The following SLC16A3 variants were observed in gnomAD, a reference collection of about 807,000 sequenced individuals.
SLC16A3 encodes solute carrier family 16 member 3, also known as monocarboxylate transporter 4.
In SLC16A3, 22 loss-of-function variants were observed where a neutral mutation model predicts 25.0. The observed-to-expected ratio is 0.88, with a 90% CI of 0.63 to 1.26. The LOEUF is 1.26. SLC16A3 is among the 50% of genes most tolerant of loss of function. The pLI, the probability that SLC16A3 is intolerant of heterozygous loss-of-function variation, is 0.00. For missense variants in SLC16A3, 731 were observed against 666.6 expected, an observed-to-expected ratio of 1.10 and a Z score of -1.06; for synonymous variants, 390 against 309.2, an observed-to-expected ratio of 1.26 and a Z score of -2.74.
At chr17:82,223,192 TA>T (rs1295931499) in intron 1 of SLC16A3, among the ~76,000 whole-genome samples, 2 of 149,880 alleles carry the variant, frequency 1.3e-5, no homozygotes, top group African/African-American at 2.5e-5. Flanking sequence ...TTATTATTAT[TA>T]TTTCTGAGAC....
rs2050651745 is a variant in SLC16A3 at position 82,237,887 on chromosome 17, T to TCCTC, written c.1118_1119insCTCC (p.Gly374SerfsTer39). On this transcript the variant is annotated frameshift_variant, in exon 4 of 5. Transcript: ENST00000582743. LOFTEE classifies it low-confidence loss of function (END_TRUNC). The stretch of plus-strand genomic sequence containing the variant: ...GGTGGCCGTGCTCGTCGGGCCCCCT[T>TCCTC]CGGGAGGTGAGCGCTGCGCCCCCAG... 1 of 1,598,432 alleles carries TCCTC rather than the reference T, an allele frequency of 6.3e-7. No individual in the cohort carries two copies.
intron 4 of SLC16A3, 142 bp from the exon 5 acceptor site, chr17:82,238,560 A>T: frequency 1.3e-6 from 1 of 754,710 alleles, no homozygotes; most frequent in Non-Finnish European, 2.0e-6. Context: ...TGGAGGGGAG[A>T]GAACACCTCC....
rs538310081 is a variant in SLC16A3, at chr17:82,239,922, G to A, written c.*946G>A. 26 of 1,087,554 alleles carry A rather than the reference G, an allele frequency of 2.4e-5. 1 individual carries two copies. Among genetic ancestry groups the A allele is most frequent in the Middle Eastern group, 4.6e-4 (2 of 4,390 alleles). The allele number at this position is 1,087,554 out of a possible 1,614,324, so 67.4% of individuals were successfully genotyped here. On this transcript the variant is annotated 3_prime_UTR_variant, in exon 5 of 5. Coordinates refer to ENST00000582743, the MANE Select transcript of SLC16A3 (RefSeq NM_004207.4). ...GGACACCTAACACCCACCTGCCCTC[G>A]TGGCCAGCAGTGGCCTGCGTGGCTG...
chr17:82,236,656 CTG>C (rs758597915), intron 2 of SLC16A3, 71 bp from the exon 3 acceptor site: 1 of 1,561,580 alleles, frequency 6.4e-7, no homozygotes, highest in Non-Finnish European at 8.6e-7. Context: ...CGGCTCCAGG[CTG>C]TGAGCTCAGT....
chr17:82,236,622 A>C, intron 2 of SLC16A3, 107 bp from the exon 3 acceptor site: 1 of 1,441,824 alleles, frequency 6.9e-7, no homozygotes, highest in Non-Finnish European at 9.4e-7. Flanking sequence ...CCGCGGGGGG[A>C]GGGGTGGTGT....
At chr17:82,229,577 A>G (rs1460211418) in intron 1 of SLC16A3, 2 of 152,200 alleles carry the variant, frequency 1.3e-5, no homozygotes, top group Admixed American at 1.3e-4. Flanking sequence ...CCCTGTTCGC[A>G]ACACCCTGAA....
chr17:82,236,435 C>T (rs1053036757), intron 2 of SLC16A3: 1 of 634,130 alleles, frequency 1.6e-6, no homozygotes, highest in South Asian at 1.9e-5. Flanking sequence ...CATCCTGGCC[C>T]CTGTCCAAAC....
upstream of SLC16A3, among the ~76,000 whole-genome samples, chr17:82,223,709 T>TTGC (rs147281447): frequency 6.9e-3 from 1,056 of 152,102 alleles, 16 homozygotes; most frequent in African/African-American, 0.024. Context: ...GAAATTCGGT[T>TTGC]TGCTGCACCC....
chr17:82,231,828 CAG>C (rs58263941), intron 1 of SLC16A3: 46,819 of 152,146 alleles, frequency 0.31, 8,456 homozygotes, highest in African/African-American at 0.5. Flanking sequence ...TAAGCGGACA[CAG>C]AGCGGCAGGG....
rs375870269 is a variant in SLC16A3 at position 82,238,132 on chromosome 17, CG to C, written c.1123+248del. ...AGGCAGGGTGGCTAGGGGCTGGGCC[CG>C]GGGGGGGGCAGCTCCTCCAGGCTCT... On this transcript the variant is annotated intron_variant, in intron 4 of 4. Transcript: ENST00000582743. 2.1e-3 allele frequency among the ~76,000 whole-genome samples: 320 copies of C among 150,330 alleles called. 1 individual carries two copies. Among genetic ancestry groups the C allele is most frequent in the East Asian group, 8.8e-3 (45 of 5,094 alleles).
chr17:82,235,926 A>T, intron 1 of SLC16A3, 57 bp from the exon 2 acceptor site: 1 of 1,227,846 alleles, frequency 8.1e-7, no homozygotes, highest in South Asian at 1.3e-5. Flanking sequence ...CTCCCCTGCC[A>T]GGCTGCAGCT....
chr17:82,237,721 C>T lies in SLC16A3; in HGVS notation c.951C>T (p.Asp317=). 1 of 1,612,284 alleles carries T rather than the reference C, an allele frequency of 6.2e-7. No individual in the cohort carries two copies. Among genetic ancestry groups the T allele is most frequent in the Non-Finnish European group, 8.5e-7 (1 of 1,179,928 alleles). The change falls in exon 4 of 5, where the codon GAC becomes GAT. Residue 317 remains aspartate, a synonymous_variant. Transcript: ENST00000582743. ...ACCTGGCGGGTTCTACGGCGGGCGA[C>T]TACGGCGGCCTCGTGGTCTTCTGCA... ...LADLAGSTAG[D]YGGLVVFCIF... is the part of the protein sequence containing the mutation.
In SLC16A3 at chr17:82,222,172, G is replaced by C. The variant is rs1052444757; in HGVS notation, c.-27+3988G>C. On this transcript the variant is annotated intron_variant, in intron 1 of 4. Coordinates refer to the SLC16A3 transcript ENST00000580098. ...TTCGTGGAGAGGAGCGTCGCCCTGG[G>C]ACCCCCAACTCCGCTCCCACGTTCG... Among the ~76,000 whole-genome samples, 407 of 122,208 alleles carry C rather than the reference G, an allele frequency of 3.3e-3. 6 individuals carry two copies. Among genetic ancestry groups the C allele is most frequent in the African/African-American group, 0.016 (378 of 23,752 alleles). The allele number at this position is 122,208 out of a possible 152,430, so 80.2% of individuals were successfully genotyped here.
At chr17:82,227,591 C>T (rs62078358), upstream of SLC16A3, among the ~76,000 whole-genome samples, 10 of 133,030 alleles carry the variant, frequency 7.5e-5, no homozygotes, top group South Asian at 4.9e-4. Flanking sequence ...CTGCCCTGGG[C>T]GGGAGCACCA....
chr17:82,239,786 C>G lies in SLC16A3; in HGVS notation c.*810C>G, dbSNP rs1302860998. The G allele has an allele frequency of 2.5e-6, 1 of 397,114 alleles. No homozygotes were observed. Among genetic ancestry groups the G allele is most frequent in the Non-Finnish European group, 4.4e-6 (1 of 226,098 alleles). 24.6% of individuals were successfully genotyped at this position (397,114 alleles called of 1,614,324 possible). A position where few individuals can be genotyped will look rare whatever the true frequency, so the allele number is the denominator to read the frequency against. On this transcript the variant is annotated 3_prime_UTR_variant, in exon 5 of 5. Transcript: ENST00000582743. ...TAAGAAACAGGACCCTCCTGCCTTC[C>G]CTTTTTCGCCCCTCTGCCTGGCTGG...
At chr17:82,221,612 C>T (rs1374062547) in intron 1 of SLC16A3, among the ~76,000 whole-genome samples, 1 of 150,600 alleles carries the variant, frequency 6.6e-6, no homozygotes, top group East Asian at 1.9e-4. Flanking sequence ...ACAAAAAAGA[C>T]AACCCAATAC....
At chr17:82,233,428 A>G (rs185239878) in intron 1 of SLC16A3, among the ~76,000 whole-genome samples, 58 of 152,138 alleles carry the variant, frequency 3.8e-4, no homozygotes, top group Non-Finnish European at 7.5e-4. Flanking sequence ...CACTGCCCCA[A>G]CCCTCTGCCA....
chr17:82,231,551 C>T (rs2050496315), intron 1 of SLC16A3: 1 of 152,268 alleles, frequency 6.6e-6, no homozygotes, highest in Non-Finnish European at 1.5e-5. Context: ...GACGGCGGCT[C>T]TGGACCAGCT....
chr17:82,228,969 C>A (rs1360005686), upstream of SLC16A3: 1 of 149,180 alleles, frequency 6.7e-6, no homozygotes, highest in African/African-American at 2.4e-5. Flanking sequence ...CGGCGCCAGG[C>A]GGTGACGTGC....
Sources: gnomAD v4.1 joint callset for allele counts (sites outside exome capture counted in the v4.1 genomes callset) on GRCh38, gnomAD v4.1.1 for gene constraint, MANE v1.5 for transcripts, NCBI Gene and HGNC (gene_info 2026-07-23, HGNC 2026-07-21) for gene names.